The following SLCO2B1 variants were observed in gnomAD, a reference collection of about 807,000 sequenced individuals.
The protein encoded by SLCO2B1 is solute carrier organic anion transporter family member 2B1, also known as OATP-RP2.
SLCO2B1 carries 41 observed loss-of-function variants against 67.3 expected under a neutral mutation model. That is an observed-to-expected ratio of 0.61 (90% confidence interval 0.47 to 0.79). The LOEUF is 0.79. SLCO2B1 is among the 30% of genes least tolerant of loss of function. The pLI, the probability that SLCO2B1 is intolerant of heterozygous loss-of-function variation, is 0.00. For synonymous variants in SLCO2B1, 379 were observed against 381.4 expected, an observed-to-expected ratio of 0.99 and a Z score of 0.07; for missense variants, 837 against 920.1, an observed-to-expected ratio of 0.91 and a Z score of 1.17.
At position 75,196,578 on chromosome 11, in the gene SLCO2B1, T is replaced by C. The variant is rs1735190758; in HGVS notation, c.1498T>C (p.Phe500Leu). 1 of 1,614,026 alleles carries C rather than the reference T, an allele frequency of 6.2e-7. No individual in the cohort carries two copies. The highest frequency in any genetic ancestry group is 1.1e-5 in the South Asian group (1 of 91,090). Residue 500 changes from phenylalanine to leucine, a missense_variant, in exon 10 of 14, where the codon TTT becomes CTT. By Grantham distance (22) the Phe-to-Leu change is conservative. Transcript: ENST00000289575. ...MEACSCPLDG[F>L]NPVCDPSTRV... ...GGCCTGCTCCTGCCCATTGGACGGC[T>C]TTAACCCTGTCTGCGACCCCAGCAC...
chr11:75,165,096 T>C (rs1253106280), intron 3 of SLCO2B1, among the ~76,000 whole-genome samples: 2 of 152,086 alleles, frequency 1.3e-5, no homozygotes, highest in East Asian at 3.9e-4. Flanking sequence ...TGAAGTCACC[T>C]CCTGAACTCA....
chr11:75,151,489 G>T, intron 1 of SLCO2B1, 92 bp downstream of exon 1: 2 of 1,353,412 alleles, frequency 1.5e-6, no homozygotes, highest in Non-Finnish European at 1.0e-6. Context: ...GCCAGAGTGG[G>T]TGGGATGGGT....
At chr11:75,172,313 G>T (rs1184846153) in intron 6 of SLCO2B1, 66 bp from the exon 7 acceptor site, 2 of 1,469,042 alleles carry the variant, frequency 1.4e-6, no homozygotes, top group East Asian at 2.3e-5. Flanking sequence ...GCCAGTCCCA[G>T]GATGGCGGCT....
At chr11:75,165,638 G>A (rs539746779) in intron 3 of SLCO2B1, 149 bp from the exon 4 acceptor site, 53 of 922,046 alleles carry the variant, frequency 5.7e-5, no homozygotes, top group South Asian at 2.7e-4. Context: ...CGGCCCTTCC[G>A]AGGGGGACCC....
In SLCO2B1 at chr11:75,162,731, C is replaced by A; in HGVS notation, c.93C>A (p.Gly31=). 6 of 1,614,078 alleles carry A rather than the reference C, an allele frequency of 3.7e-6. No homozygotes were observed. Among genetic ancestry groups the A allele is most frequent in the Non-Finnish European group, 5.1e-6 (6 of 1,179,994 alleles). Residue 31 remains glycine (G), a synonymous_variant, in exon 2 of 14, where the codon GGC becomes GGA. Coordinates refer to ENST00000289575, the MANE Select transcript of SLCO2B1 (RefSeq NM_007256.5). ...ATMGTENTPG[G]KASPDPQDVR... The stretch of plus-strand genomic sequence containing the variant: ...TGGGCACAGAAAACACACCTGGAGG[C>A]AAAGCCAGCCCAGACCCTCAGGACG...
At position 75,193,925 on chromosome 11, in the gene SLCO2B1, A is replaced by T. The variant is rs1372094104; in HGVS notation, c.1433+350A>T. Among the ~76,000 whole-genome samples the T allele has an allele frequency of 1.3e-5, 2 of 152,292 alleles. No individual in the cohort carries two copies. Among genetic ancestry groups the T allele is most frequent in the East Asian group, 3.9e-4 (2 of 5,164 alleles). ...AGAGATGAGCCAGAGGCTACATCAC[A>T]GGAGCCAGGACCCAGCTCAGCCAGA... is the stretch of plus-strand genomic sequence containing the variant. On this transcript the variant is annotated intron_variant, in intron 9 of 13. Transcript: ENST00000289575. The surrounding 1 kb of genome is among the most constrained non-coding windows in gnomAD (Gnocchi z 4.2).
chr11:75,166,175 G>A (rs1949889804), intron 4 of SLCO2B1, among the ~76,000 whole-genome samples: 1 of 152,134 alleles, frequency 6.6e-6, no homozygotes, highest in African/African-American at 2.4e-5. Context: ...TAGGGGTGAG[G>A]GCCTGCTTGT....
At chr11:75,198,747 T>C (rs181495765) in intron 10 of SLCO2B1, among the ~76,000 whole-genome samples, 123 of 152,294 alleles carry the variant, frequency 8.1e-4, no homozygotes, top group Non-Finnish European at 1.5e-3. Flanking sequence ...TGTGAACATC[T>C]TGGCTCAGGG....
At chr11:75,177,594 TG>T (rs1394222456) in intron 7 of SLCO2B1, among the ~76,000 whole-genome samples, 1 of 152,162 alleles carries the variant, frequency 6.6e-6, no homozygotes, top group Non-Finnish European at 1.5e-5. Context: ...GGTCCAGTGG[TG>T]GTGGGCTGGA....
chr11:75,162,599 C>G (rs1481089333), intron 1 of SLCO2B1, 56 bp from the exon 2 acceptor site: 3 of 1,576,434 alleles, frequency 1.9e-6, no homozygotes, highest in Admixed American at 3.6e-5. Context: ...CTAATCAGGT[C>G]AGGGCCATTC....
intron 13 of SLCO2B1, 114 bp from the exon 14 acceptor site, chr11:75,204,286 G>C (rs1313202518): frequency 9.0e-7 from 1 of 1,107,740 alleles, no homozygotes; most frequent in African/African-American, 1.6e-5. Flanking sequence ...CACAGCAGAG[G>C]TCAATGTCTC....
chr11:75,196,821 A>T, intron 10 of SLCO2B1, 142 bp downstream of exon 10: 2 of 808,314 alleles, frequency 2.5e-6, no homozygotes, highest in Non-Finnish European at 3.8e-6. Flanking sequence ...CAGATGTAGA[A>T]CATTATTCTC....
chr11:75,172,593 A>C, intron 7 of SLCO2B1, 24 bp downstream of exon 7: 1 of 1,600,086 alleles, frequency 6.2e-7, no homozygotes, highest in Non-Finnish European at 8.6e-7. Context: ...ATGTCACCTG[A>C]CTGGGTCCAG....
intron 9 of SLCO2B1, among the ~76,000 whole-genome samples, chr11:75,195,088 C>T (rs983704578): frequency 1.3e-5 from 2 of 152,210 alleles, no homozygotes; most frequent in African/African-American, 2.4e-5. Context: ...CTGTTATTAG[C>T]CCCATTTCAC....
chr11:75,181,097 C>T (rs1042035493), intron 7 of SLCO2B1, among the ~76,000 whole-genome samples: 3 of 151,998 alleles, frequency 2.0e-5, no homozygotes, highest in African/African-American at 2.4e-5. Context: ...GGCCGGTTGC[C>T]GTGGCTCACA....
At chr11:75,202,784 AGGCTGGCTCTGGGT>A (rs1945201908) in intron 11 of SLCO2B1, 103 bp from the exon 12 acceptor site, 2 of 868,830 alleles carry the variant, frequency 2.3e-6, no homozygotes, top group Non-Finnish European at 3.9e-6. Context: ...GATGGGAGAG[AGGCTGGCTCTGGGT>A]GGTGGGAGAG....
rs1252848623 is a variant in SLCO2B1 at position 75,169,667 on chromosome 11, G to C, written c.684G>C (p.Gly228=). ...AHNSNSPLYL[G]ILFAVTMMGP... is the part of the protein sequence containing the mutation. ...CCTAACTCAGGCTTTGTGTTGTAGG[G>C]ATCCTGTTTGCAGTGACCATGATGG... Residue 228 remains glycine (G), a splice_region_variant and synonymous_variant, in exon 6 of 14, where the codon GGG becomes GGC. Coordinates refer to ENST00000289575, the MANE Select transcript of SLCO2B1 (RefSeq NM_007256.5). 6.2e-7 allele frequency: 1 copy of C among 1,611,238 alleles called. No individual in the cohort carries two copies.
chr11:75,164,324 G>A (rs1418964787), intron 3 of SLCO2B1, among the ~76,000 whole-genome samples: 1 of 152,168 alleles, frequency 6.6e-6, no homozygotes, highest in Non-Finnish European at 1.5e-5. Context: ...TCGGGTCCTG[G>A]AATATTTCGG....
At position 75,172,547 on chromosome 11, in the gene SLCO2B1, TCA is replaced by T. The variant is rs1228111629; in HGVS notation, c.953_954del (p.Thr318ArgfsTer13). ...CAGTTTCGGCGAAAGGTCTTAGCAG[TCA>T]CAGACTCACCTGCCAGGAAGGTAAG... On this transcript the variant is annotated frameshift_variant, in exon 7 of 14. Coordinates refer to ENST00000289575, the MANE Select transcript of SLCO2B1 (RefSeq NM_007256.5). LOFTEE classifies it high-confidence loss of function. The T allele has an allele frequency of 6.2e-7, 1 of 1,613,932 alleles. No homozygotes were observed. Among genetic ancestry groups the T allele is most frequent in the Non-Finnish European group, 8.5e-7 (1 of 1,179,870 alleles).
Sources: allele counts gnomAD v4.1 joint callset (sites outside exome capture counted in the v4.1 genomes callset), GRCh38; gene constraint gnomAD v4.1.1; non-coding constraint Gnocchi (gnomAD v3.1); transcripts MANE v1.5; gene names NCBI Gene and HGNC (gene_info 2026-07-23, HGNC 2026-07-21).